USH2A: variants seen among roughly 807,000 people sequenced by gnomAD.
USH2A encodes the protein usherin, also known as Usher syndrome 2A (autosomal recessive, mild).
Under a neutral mutation model 538.9 loss-of-function variants are expected in USH2A, and 443 were observed. The observed-to-expected ratio is 0.82, with a 90% CI of 0.76 to 0.89. USH2A has a LOEUF of 0.89. USH2A is among the 40% of genes least tolerant of loss of function. The probability of loss-of-function intolerance (pLI) is 0.00; values close to 1 mark genes in which losing one functional copy is unlikely to be tolerated. For synonymous variants in USH2A, 2,413 were observed against 2,273.5 expected, an observed-to-expected ratio of 1.06 and a Z score of -1.75; for missense variants, 6,633 against 6,324.8, an observed-to-expected ratio of 1.05 and a Z score of -1.65.
chr1:216,370,218 A>C (rs914980516), intron 3 of USH2A, among the ~76,000 whole-genome samples: 2 of 150,872 alleles, frequency 1.3e-5, no homozygotes, highest in Non-Finnish European at 3.0e-5. Flanking sequence ...AAAATTAGCC[A>C]GTTGTGGTGG....
chr1:216,394,349 G>C (rs2039166065), intron 3 of USH2A, among the ~76,000 whole-genome samples: 1 of 150,070 alleles, frequency 6.7e-6, no homozygotes, highest in East Asian at 2.0e-4. Flanking sequence ...AACAGTTTAC[G>C]GGTCAATAGA....
intron 22 of USH2A, among the ~76,000 whole-genome samples, chr1:216,091,639 A>G (rs1009001650): frequency 3.9e-5 from 6 of 152,184 alleles, no homozygotes; most frequent in Admixed American, 3.9e-4. Flanking sequence ...ATACATTTTT[A>G]TATCTATAGC....
intron 11 of USH2A, among the ~76,000 whole-genome samples, chr1:216,286,048 C>A (rs2036876970): frequency 6.6e-6 from 1 of 152,054 alleles, no homozygotes; most frequent in Non-Finnish European, 1.5e-5. Flanking sequence ...TGAGTTAATG[C>A]TGGAATGAGT....
At chr1:216,141,645 T>C (rs1431278303) in intron 21 of USH2A, among the ~76,000 whole-genome samples, 1 of 152,200 alleles carries the variant, frequency 6.6e-6, no homozygotes, top group Non-Finnish European at 1.5e-5. Context: ...TGGAGTGGTC[T>C]GCAAAACCCC....
chr1:216,059,639 G>A (rs2031105926), intron 30 of USH2A, among the ~76,000 whole-genome samples: 2 of 152,084 alleles, frequency 1.3e-5, no homozygotes, highest in Admixed American at 6.5e-5. Context: ...TAACTTAAAT[G>A]CATGCAGGCA....
At chr1:216,168,106 CT>C (rs1165818148) in intron 21 of USH2A, among the ~76,000 whole-genome samples, 1 of 152,046 alleles carries the variant, frequency 6.6e-6, no homozygotes. Flanking sequence ...AATAATTCAT[CT>C]TACTAAATCA....
intron 46 of USH2A, among the ~76,000 whole-genome samples, chr1:215,840,450 A>C (rs1010500768): frequency 6.6e-6 from 1 of 152,140 alleles, no homozygotes; most frequent in African/African-American, 2.4e-5. Flanking sequence ...ATCAGTAATA[A>C]GAATATCTTA....
chr1:216,324,536 T>C (rs1280831892), intron 6 of USH2A, among the ~76,000 whole-genome samples, 184 bp from the exon 7 acceptor site: 1 of 152,162 alleles, frequency 6.6e-6, no homozygotes, highest in East Asian at 1.9e-4. Context: ...TCTATAATTG[T>C]GTATCTGTTC....
At chr1:215,803,557 C>A (rs966250216) in intron 49 of USH2A, among the ~76,000 whole-genome samples, 2 of 152,058 alleles carry the variant, frequency 1.3e-5, no homozygotes, top group Admixed American at 1.3e-4. Flanking sequence ...AATAAAATAC[C>A]TAGGAATCCA....
Position 216,174,642 on chromosome 1 carries a change from C to T in USH2A, c.4627+610G>A, listed in dbSNP as rs886045947. Reference sequence around the variant, plus strand: ...AATTTTGTGACCGAAACAAGAGCCTCACTTGCTTTACCATAGTCCTGGCTT... The same window carrying T: ...AATTTTGTGACCGAAACAAGAGCCTTACTTGCTTTACCATAGTCCTGGCTT... On this transcript the variant is annotated intron_variant, in intron 21 of 71. Transcript: ENST00000307340. 85 of 985,106 alleles carry T rather than the reference C, an allele frequency of 8.6e-5. No individual in the cohort carries two copies. Among genetic ancestry groups the T allele is most frequent in the Non-Finnish European group, 1.0e-4 (84 of 829,776 alleles). 61.0% of individuals were successfully genotyped at this position (985,106 alleles called of 1,614,324 possible).
chr1:215,964,347 G>A (rs1667279047), intron 37 of USH2A, among the ~76,000 whole-genome samples: 1 of 152,146 alleles, frequency 6.6e-6, no homozygotes, highest in Non-Finnish European at 1.5e-5. Flanking sequence ...GATCAGCTTA[G>A]ACTCTGACAC....
In USH2A at chr1:215,903,043, G is replaced by A. The variant is rs551824593; in HGVS notation, c.7301-2138C>T. On this transcript the variant is annotated intron_variant, in intron 38 of 71. Coordinates refer to ENST00000307340, the MANE Select transcript of USH2A (RefSeq NM_206933.4). ...TCCACCAAAATGTTGAGGTCAGGAG[G>A]AGGCCTCTCTAGGAAAGGATACTGA... Among the ~76,000 whole-genome samples, 5 of 152,198 alleles carry A rather than the reference G, an allele frequency of 3.3e-5. 1 individual carries two copies. The South Asian group carries it at 1.0e-3, about 32-fold the overall frequency.
At chr1:216,084,472 A>C (rs761708577) in intron 25 of USH2A, among the ~76,000 whole-genome samples, 5 of 152,166 alleles carry the variant, frequency 3.3e-5, no homozygotes, top group Non-Finnish European at 5.9e-5. Flanking sequence ...CAAGAACTGC[A>C]TGAGTTACCA....
intron 32 of USH2A, among the ~76,000 whole-genome samples, chr1:216,017,706 G>A (rs1668750790): frequency 6.6e-6 from 1 of 152,174 alleles, no homozygotes; most frequent in South Asian, 2.1e-4. Context: ...AGATTAAGAT[G>A]CTGTTAATTC....
intron 61 of USH2A, among the ~76,000 whole-genome samples, chr1:215,697,114 A>G (rs1420079763): frequency 7.6e-6 from 1 of 132,132 alleles, no homozygotes; most frequent in East Asian, 2.4e-4. Context: ...CACCAGGCCC[A>G]GCTAATTTTT....
In USH2A at chr1:215,710,777, C is replaced by A. The variant is rs147677047; in HGVS notation, c.12066+17253G>T. On this transcript the variant is annotated intron_variant, in intron 61 of 71. Transcript: ENST00000307340. ...TATTTCAGTTGCTGCCAGATGTAGACCCTTAATTTTCTGAACGAGAATGAC... is the reference window on the plus strand; with the variant it reads ...TATTTCAGTTGCTGCCAGATGTAGAACCTTAATTTTCTGAACGAGAATGAC... Among the ~76,000 whole-genome samples the A allele has an allele frequency of 5.9e-3, 897 of 152,012 alleles. 6 individuals carry two copies. The highest frequency in any genetic ancestry group is 0.021 in the African/African-American group (861 of 41,466).
chr1:216,422,153 C>T lies in USH2A; in HGVS notation c.184G>A (p.Asp62Asn), dbSNP rs567937233. The T allele has an allele frequency of 5.1e-5, 83 of 1,613,752 alleles. No homozygotes were observed. Among genetic ancestry groups the T allele is most frequent in the Non-Finnish European group, 6.6e-5 (78 of 1,179,886 alleles). ...GAGCTGTGACAAAAAGTGCTTCGGT[C>T]TGGGAGTCCACATACTGCTTGGGTT... The part of the protein sequence containing the change: ...VPTQAVCGLP[D>N]RSTFCHSSAA... Residue 62 changes from aspartate (D) to asparagine (N), a missense_variant, in exon 2 of 72, where the codon GAC becomes AAC. Asp to Asn is a conservative substitution (Grantham distance 23). Transcript: ENST00000307340.
chr1:215,662,876 C>T (rs1477850549), intron 64 of USH2A, among the ~76,000 whole-genome samples: 1 of 152,090 alleles, frequency 6.6e-6, no homozygotes, highest in African/African-American at 2.4e-5. Flanking sequence ...CAAAACTAAA[C>T]AGAAAATGTG....
rs759589351 is a variant in USH2A, at chr1:215,640,563, T to C, written c.14963A>G (p.Asp4988Gly). 1.2e-6 allele frequency: 2 copies of C among 1,613,448 alleles called. No homozygotes were observed. Among genetic ancestry groups the C allele is most frequent in the African/African-American group, 2.7e-5 (2 of 74,776 alleles). The change falls in exon 68 of 72, where the codon GAC becomes GGC. Residue 4988 changes from aspartate (D) to glycine (G), a missense_variant. Coordinates refer to ENST00000307340, the MANE Select transcript of USH2A (RefSeq NM_206933.4). ...DTTLYIPRTA[D>G]KTFFFQVICT... ...AACAGGAGTCAGAAACTAACTTTTG[T>C]CCGCCGTTCTCGGTATGTAGAGGGT...
Sources: allele counts gnomAD v4.1 joint callset (sites outside exome capture counted in the v4.1 genomes callset), GRCh38; gene constraint gnomAD v4.1.1; transcripts MANE v1.5; gene names NCBI Gene and HGNC (gene_info 2026-07-23, HGNC 2026-07-21).